Variants in CYP4F22 observed in about 807,000 individuals in gnomAD.
CYP4F22 encodes ultra-long-chain fatty acid omega-hydroxylase.
Under a neutral mutation model 60.4 loss-of-function variants are expected in CYP4F22, and 37 were observed. The ratio of observed to expected loss-of-function variants is 0.61; its 90% CI spans 0.47 to 0.81. The LOEUF (loss-of-function observed/expected upper bound fraction) is 0.81. Ranked by LOEUF, CYP4F22 falls within the 30% of genes least tolerant of loss-of-function variation. CYP4F22 has a pLI of 0.00. For synonymous variants in CYP4F22, 258 were observed against 280.5 expected, an observed-to-expected ratio of 0.92 and a Z score of 0.80; for missense variants, 655 against 715.0, an observed-to-expected ratio of 0.92 and a Z score of 0.96.
chr19:15,536,714 A>G (rs1971398399), intron 4 of CYP4F22, among the ~76,000 whole-genome samples: 1 of 152,220 alleles, frequency 6.6e-6, no homozygotes, highest in South Asian at 2.1e-4. Context: ...GGTGATCCAC[A>G]GCAGGCGATG....
intron 1 of CYP4F22, among the ~76,000 whole-genome samples, chr19:15,522,316 TG>T: frequency 6.6e-6 from 1 of 152,292 alleles, no homozygotes; most frequent in South Asian, 2.1e-4. Flanking sequence ...CCATCCCAAT[TG>T]GGATCTCCAA....
intron 6 of CYP4F22, 39 bp from the exon 7 acceptor site, chr19:15,537,833 G>A: frequency 6.2e-7 from 1 of 1,612,736 alleles, no homozygotes; most frequent in South Asian, 1.1e-5. Context: ...CTCCCTCTCT[G>A]TGGTTTCCAT....
intron 1 of CYP4F22, among the ~76,000 whole-genome samples, chr19:15,520,505 T>C (rs1353347280): frequency 6.6e-6 from 1 of 151,402 alleles, no homozygotes; most frequent in Admixed American, 6.6e-5. Flanking sequence ...GCGTAAACAA[T>C]GAATGGAGGC....
rs934834235 is a variant in CYP4F22, at chr19:15,511,133, A to G, written c.-109+2550A>G. Among the ~76,000 whole-genome samples, 5 of 150,098 alleles carry G rather than the reference A, an allele frequency of 3.3e-5. No homozygotes were observed. The Admixed American group carries it at 3.3e-4, about 10-fold the overall frequency. ...AGGCATGTGCCACCATGCCTGGCTA[A>G]TTTTGTATTTTTAGTAGAGATGGGG... On this transcript the variant is annotated intron_variant, in intron 1 of 13. Coordinates refer to ENST00000269703, the MANE Select transcript of CYP4F22 (RefSeq NM_173483.4).
chr19:15,536,018 C>T (rs975879181), intron 4 of CYP4F22, among the ~76,000 whole-genome samples: 3 of 152,032 alleles, frequency 2.0e-5, no homozygotes, highest in African/African-American at 4.8e-5. Flanking sequence ...AGAGAGAGCA[C>T]GTGGTCTTTT....
At chr19:15,540,376 T>C (rs1568361201) in intron 7 of CYP4F22, 74 bp from the exon 8 acceptor site, 2 of 1,596,944 alleles carry the variant, frequency 1.3e-6, no homozygotes, top group Non-Finnish European at 1.7e-6. Context: ...GACAGGAGGC[T>C]TATCTTAGCC....
At chr19:15,513,627 G>A (rs1971120633) in intron 1 of CYP4F22, among the ~76,000 whole-genome samples, 1 of 152,040 alleles carries the variant, frequency 6.6e-6, no homozygotes, top group Non-Finnish European at 1.5e-5. Context: ...GCCTCCCAAA[G>A]TGCTGGGATT....
intron 1 of CYP4F22, among the ~76,000 whole-genome samples, chr19:15,511,430 G>A (rs995990549): frequency 1.3e-5 from 2 of 152,040 alleles, no homozygotes; most frequent in African/African-American, 2.4e-5. Context: ...CTGCACTCCA[G>A]CCTGAAGGAC....
intron 7 of CYP4F22, among the ~76,000 whole-genome samples, chr19:15,539,346 C>T (rs1174861934): frequency 1.3e-5 from 2 of 152,148 alleles, no homozygotes; most frequent in African/African-American, 4.8e-5. Context: ...AAGGCTCATC[C>T]ATATTGTGGC....
chr19:15,547,146 C>T (rs1001879991), intron 10 of CYP4F22, among the ~76,000 whole-genome samples: 4 of 151,360 alleles, frequency 2.6e-5, no homozygotes, highest in African/African-American at 9.7e-5. Context: ...GCCTCGGCCT[C>T]CCAAGTAGCT....
rs1295378293 is a variant in CYP4F22 at position 15,540,644 on chromosome 19, A to C, written c.866A>C (p.Gln289Pro). ...IQERRRALRQ[Q>P]GAEAWLKAKQ... is the part of the protein sequence containing the mutation. Reference sequence around the variant, plus strand: ...GAACGGCGGCGGGCACTGCGTCAGCAGGGGGCCGAGGCCTGGCTTAAGGCC... The same window carrying C: ...GAACGGCGGCGGGCACTGCGTCAGCCGGGGGCCGAGGCCTGGCTTAAGGCC... The change falls in exon 8 of 14, where the codon CAG (glutamine) becomes CCG (proline). Residue 289 changes from glutamine (Q) to proline (P), a missense_variant. By Grantham distance (76) the Gln-to-Pro change is moderately conservative. Around this residue, in one of 3 missense-constraint regions of CYP4F22, gnomAD observed 430 missense variants for 457.1 expected, o/e 0.94. Coordinates refer to ENST00000269703, the MANE Select transcript of CYP4F22 (RefSeq NM_173483.4). The C allele has an allele frequency of 9.3e-6, 15 of 1,613,910 alleles. No homozygotes were observed. The highest frequency in any genetic ancestry group is 1.3e-5 in the Non-Finnish European group (15 of 1,179,982).
chr19:15,530,936 CAAAT>C (rs1971336328), intron 4 of CYP4F22, among the ~76,000 whole-genome samples: 2 of 152,112 alleles, frequency 1.3e-5, no homozygotes. Context: ...AACTCACTCT[CAAAT>C]GAACCAATGA....
At chr19:15,532,678 G>T (rs1971356386) in intron 4 of CYP4F22, among the ~76,000 whole-genome samples, 1 of 151,222 alleles carries the variant, frequency 6.6e-6, no homozygotes, top group African/African-American at 2.4e-5. Context: ...TACAGCGCCT[G>T]GTCTCTCTTT....
At chr19:15,509,173 G>A (rs1971054852) in intron 1 of CYP4F22, among the ~76,000 whole-genome samples, 1 of 152,148 alleles carries the variant, frequency 6.6e-6, no homozygotes, top group African/African-American at 2.4e-5. Flanking sequence ...AGGGTTGTGT[G>A]AGGTCCTGGG....
At chr19:15,529,677 C>G (rs1476868786) in intron 3 of CYP4F22, 32 bp from the exon 4 acceptor site, 7 of 1,613,436 alleles carry the variant, frequency 4.3e-6, no homozygotes, top group Non-Finnish European at 5.9e-6. Flanking sequence ...GGGCTGGGTA[C>G]CTCCTCATTG....
chr19:15,529,989 C>G, intron 4 of CYP4F22, 136 bp downstream of exon 4: 1 of 1,228,890 alleles, frequency 8.1e-7, no homozygotes, highest in Non-Finnish European at 1.2e-6. Flanking sequence ...TTTGGCAAAG[C>G]AAGCATGGCA....
chr19:15,548,042 T>C, intron 10 of CYP4F22, 66 bp from the exon 11 acceptor site: 2 of 1,447,940 alleles, frequency 1.4e-6, no homozygotes, highest in Non-Finnish European at 1.9e-6. Flanking sequence ...TGTGTGTGTG[T>C]GTGTGTGTTT....
chr19:15,526,909 C>T (rs553624032), intron 3 of CYP4F22, among the ~76,000 whole-genome samples: 1 of 152,150 alleles, frequency 6.6e-6, no homozygotes, highest in Non-Finnish European at 1.5e-5. Flanking sequence ...CATGCCCCCA[C>T]GCCTGGCTAA....
intron 8 of CYP4F22, among the ~76,000 whole-genome samples, chr19:15,542,022 C>T (rs925887380): frequency 6.6e-6 from 1 of 152,022 alleles, no homozygotes. Context: ...GGATGTTTGA[C>T]CTTAGTCATT....
Sources: allele counts gnomAD v4.1 joint callset (sites outside exome capture counted in the v4.1 genomes callset), GRCh38; gene constraint gnomAD v4.1.1; regional missense constraint gnomAD v4.1.1; transcripts MANE v1.5; gene names NCBI Gene and HGNC (gene_info 2026-07-23, HGNC 2026-07-21).